Variants in DLGAP4 observed in about 807,000 individuals in gnomAD.
The protein encoded by DLGAP4 is disks large-associated protein 4.
DLGAP4 carries 18 observed loss-of-function variants against 86.9 expected under a neutral mutation model. The observed-to-expected ratio is 0.21, with a 90% CI of 0.14 to 0.31. The LOEUF is 0.31. Ranked by LOEUF, DLGAP4 falls within the 10% of genes least tolerant of loss-of-function variation. The pLI, the probability that DLGAP4 is intolerant of heterozygous loss-of-function variation, is 1.00. For synonymous variants in DLGAP4, 548 were observed against 574.3 expected (o/e 0.95, Z 0.65); for missense variants, 1,085 against 1,362.6 (o/e 0.80, Z 3.21).
At chr20:36,406,753 G>A (rs2032335468) in intron 2 of DLGAP4, among the ~76,000 whole-genome samples, 1 of 152,134 alleles carries the variant, frequency 6.6e-6, no homozygotes, top group Non-Finnish European at 1.5e-5. Flanking sequence ...GACAGGGTGA[G>A]TCCCCTTCAC....
At chr20:36,525,402 T>G in intron 11 of DLGAP4, 4 of 202,800 alleles carry the variant, frequency 2.0e-5, no homozygotes, top group East Asian at 2.4e-4. Context: ...GGCAGTGGAG[T>G]GAGTGTTTGT....
At chr20:36,325,493 C>G (rs533019868) in intron 1 of DLGAP4, among the ~76,000 whole-genome samples, 1 of 152,046 alleles carries the variant, frequency 6.6e-6, no homozygotes. Context: ...CTTCTGTATC[C>G]TTATTTATTT....
intron 7 of DLGAP4, chr20:36,462,045 C>T (rs376137757): frequency 1.0e-6 from 1 of 987,380 alleles, no homozygotes. Context: ...AAGGGCTCCC[C>T]GTGAGTTTCT....
rs76914472 is a variant in DLGAP4, at chr20:36,480,345, C to T, written c.1649-16360C>T. Among the ~76,000 whole-genome samples the T allele has an allele frequency of 7.6e-4, 116 of 152,288 alleles. 2 individuals are homozygous for T. In the East Asian group the frequency reaches 0.018, roughly 24 times the overall value. On this transcript the variant is annotated intron_variant, in intron 7 of 12. Transcript: ENST00000339266. The stretch of plus-strand genomic sequence containing the variant: ...TGGTGTTAGTCCTCACAAGATTTCC[C>T]GTGTGGCTAGGCTGTGTGAACATTC...
At position 36,308,050 on chromosome 20, in the gene DLGAP4, C is replaced by T. The variant is rs782129919; in HGVS notation, c.-304+1538C>T. Among the ~76,000 whole-genome samples the T allele has an allele frequency of 2.6e-5, 4 of 152,230 alleles. No homozygotes were observed. The highest frequency in any genetic ancestry group is 4.8e-5 in the African/African-American group (2 of 41,460). On this transcript the variant is annotated intron_variant, in intron 1 of 12. Coordinates refer to ENST00000339266, the MANE Select transcript of DLGAP4 (RefSeq NM_001365621.2). The surrounding 1 kb of genome is among the most constrained non-coding windows in gnomAD (Gnocchi z 4.5). ...TGGAGCCACCACCAGGCCCTAGAGC[C>T]GGCTGTCGGGGCCAGTCAGCAGCAG...
intron 4 of DLGAP4, among the ~76,000 whole-genome samples, chr20:36,437,635 G>A (rs893704956): frequency 2.0e-5 from 3 of 152,198 alleles, no homozygotes; most frequent in Non-Finnish European, 1.5e-5. Flanking sequence ...GTAAGGCTTG[G>A]AGGAGTTAGA....
At chr20:36,326,235 C>T (rs536376405) in intron 1 of DLGAP4, among the ~76,000 whole-genome samples, 5 of 152,270 alleles carry the variant, frequency 3.3e-5, no homozygotes, top group African/African-American at 1.2e-4. Flanking sequence ...CAGATTCACC[C>T]CAGGTTTAAA....
chr20:36,324,700 A>G (rs2065200314), intron 1 of DLGAP4, among the ~76,000 whole-genome samples: 1 of 152,146 alleles, frequency 6.6e-6, no homozygotes, highest in Non-Finnish European at 1.5e-5. Context: ...ATCTATCCTT[A>G]TGACAGTTCC....
At chr20:36,487,853 G>C (rs6097317) in intron 7 of DLGAP4, among the ~76,000 whole-genome samples, 1 of 152,080 alleles carries the variant, frequency 6.6e-6, no homozygotes, top group African/African-American at 2.4e-5. Context: ...GCTCCTACCC[G>C]GAGCACATTG....
intron 10 of DLGAP4, among the ~76,000 whole-genome samples, chr20:36,524,020 C>T (rs1432617357): frequency 6.6e-6 from 1 of 152,164 alleles, no homozygotes; most frequent in Non-Finnish European, 1.5e-5. Context: ...ACTCAGTTTT[C>T]ATATTTGTTG....
At chr20:36,396,334 CACGCACA>C (rs2031951565) in intron 2 of DLGAP4, among the ~76,000 whole-genome samples, 1 of 358 alleles carries the variant, frequency 2.8e-3, no homozygotes, top group Non-Finnish European at 6.0e-3. Context: ...CACACACACA[CACGCACA>C]CACACACACA....
chr20:36,451,603 G>A (rs149357016), intron 7 of DLGAP4, among the ~76,000 whole-genome samples: 1,642 of 152,016 alleles, frequency 0.011, 31 homozygotes, highest in African/African-American at 0.038. Flanking sequence ...CACCCGCCTC[G>A]GCCTCACAAA....
chr20:36,497,096 C>T (rs1256612208), intron 8 of DLGAP4, 30 bp downstream of exon 8: 2 of 1,553,908 alleles, frequency 1.3e-6, no homozygotes, highest in East Asian at 2.3e-5. Flanking sequence ...TCTGTGTCCT[C>T]AGCCCACTCC....
At chr20:36,317,573 C>T (rs2065122217) in intron 1 of DLGAP4, among the ~76,000 whole-genome samples, 1 of 149,892 alleles carries the variant, frequency 6.7e-6, no homozygotes, top group South Asian at 2.1e-4. Context: ...CCTGCCTCAG[C>T]CTCTGGAGTA....
At chr20:36,375,804 T>A (rs569492042) in intron 2 of DLGAP4, among the ~76,000 whole-genome samples, 1 of 151,962 alleles carries the variant, frequency 6.6e-6, no homozygotes, top group South Asian at 2.1e-4. Flanking sequence ...GCTAGAGAGG[T>A]CGACCAAGGC....
At chr20:36,394,625 C>G (rs752161125) in intron 2 of DLGAP4, among the ~76,000 whole-genome samples, 1 of 152,164 alleles carries the variant, frequency 6.6e-6, no homozygotes, top group Non-Finnish European at 1.5e-5. Flanking sequence ...TGCTTCCCCA[C>G]GCTGTCGCCA....
intron 7 of DLGAP4, among the ~76,000 whole-genome samples, chr20:36,460,306 A>G (rs2033990278): frequency 6.6e-6 from 1 of 152,198 alleles, no homozygotes; most frequent in Non-Finnish European, 1.5e-5. Context: ...TACAAAAAAT[A>G]AAAATAACCA....
chr20:36,387,312 C>G (rs947499438), intron 2 of DLGAP4, among the ~76,000 whole-genome samples: 3 of 152,214 alleles, frequency 2.0e-5, no homozygotes, highest in Admixed American at 2.0e-4. Context: ...GAATTTTTCT[C>G]TTCTGCAAAA....
intron 1 of DLGAP4, among the ~76,000 whole-genome samples, chr20:36,312,388 C>CAT (rs2065061511): frequency 6.7e-6 from 1 of 149,780 alleles, no homozygotes. Flanking sequence ...CACACACACA[C>CAT]ACACACACAC....
Sources: allele counts gnomAD v4.1 joint callset (sites outside exome capture counted in the v4.1 genomes callset), GRCh38; gene constraint gnomAD v4.1.1; non-coding constraint Gnocchi (gnomAD v3.1); transcripts MANE v1.5; gene names NCBI Gene and HGNC (gene_info 2026-07-23, HGNC 2026-07-21).